Variants in AKAP13 observed in about 807,000 individuals in gnomAD.
AKAP13 encodes A-kinase anchor protein 13.
AKAP13 carries 80 observed loss-of-function variants against 264.5 expected under a neutral mutation model. That is an observed-to-expected ratio of 0.30 (90% CI 0.25 to 0.36). AKAP13 has a LOEUF of 0.36. AKAP13 is among the 10% of genes least tolerant of loss of function. AKAP13 has a pLI of 1.00. For missense variants in AKAP13, 3,712 were observed against 3,435.2 expected, an observed-to-expected ratio of 1.08 and a Z score of -2.01; for synonymous variants, 1,380 against 1,250.2, an observed-to-expected ratio of 1.10 and a Z score of -2.19.
chr15:85,738,162 C>T (rs1167682128), intron 33 of AKAP13, among the ~76,000 whole-genome samples: 1 of 151,926 alleles, frequency 6.6e-6, no homozygotes, highest in Non-Finnish European at 1.5e-5. Context: ...CTTTGGGAGG[C>T]CGAGGTGGGT....
chr15:85,412,307 C>A (rs1340341370), intron 1 of AKAP13, among the ~76,000 whole-genome samples: 1 of 152,172 alleles, frequency 6.6e-6, no homozygotes, highest in Non-Finnish European at 1.5e-5. Flanking sequence ...TATTAAAATA[C>A]TACTCCTTTT....
At chr15:85,600,812 G>GC (rs144080837) in intron 8 of AKAP13, among the ~76,000 whole-genome samples, 30,848 of 152,074 alleles carry the variant, frequency 0.2, 4,134 homozygotes, top group Middle Eastern at 0.41. Flanking sequence ...CTTCTGCCAC[G>GC]TTTTTACCTT....
chr15:85,632,017 A>G (rs1223773347), intron 8 of AKAP13, among the ~76,000 whole-genome samples: 1 of 152,190 alleles, frequency 6.6e-6, no homozygotes, highest in Non-Finnish European at 1.5e-5. Context: ...TAACATGTCA[A>G]GAGATTTTTG....
At chr15:85,621,912 A>G (rs2081209178) in intron 8 of AKAP13, among the ~76,000 whole-genome samples, 1 of 152,224 alleles carries the variant, frequency 6.6e-6, no homozygotes, top group African/African-American at 2.4e-5. Flanking sequence ...TGCCCAATAA[A>G]TAATAAAAGA....
intron 1 of AKAP13, among the ~76,000 whole-genome samples, chr15:85,416,849 T>G (rs879629815): frequency 3.3e-5 from 5 of 152,200 alleles, no homozygotes; most frequent in Non-Finnish European, 7.3e-5. Context: ...GGTAGCAAAT[T>G]TTGGAGGTTC....
intron 9 of AKAP13, 132 bp downstream of exon 9, chr15:85,639,581 G>A: frequency 1.4e-6 from 1 of 692,258 alleles, no homozygotes; most frequent in Non-Finnish European, 2.5e-6. Context: ...ATCTGGGTTT[G>A]TAGGCATTTT....
chr15:85,655,744 C>T lies in AKAP13; in HGVS notation c.4702C>T (p.Pro1568Ser). The T allele has an allele frequency of 1.2e-6, 2 of 1,612,146 alleles. No homozygotes were observed. Among genetic ancestry groups the T allele is most frequent in the East Asian group, 2.2e-5 (1 of 44,816 alleles). Reference sequence around the variant, plus strand: ...TCCCTTCCGGAGGCACAGCTGGGGGCCTGGGAAAAATGCAGCCAGCGATGC... The same window carrying T: ...TCCCTTCCGGAGGCACAGCTGGGGGTCTGGGAAAAATGCAGCCAGCGATGC... The part of the protein sequence containing the change: ...LSPFRRHSWG[P>S]GKNAASDAEM... The change falls in exon 11 of 37, where the codon CCT becomes TCT. Residue 1568 changes from proline to serine, a missense_variant. Coordinates refer to ENST00000394518, the MANE Select transcript of AKAP13 (RefSeq NM_007200.5).
intron 1 of AKAP13, among the ~76,000 whole-genome samples, chr15:85,425,938 T>C (rs1186961708): frequency 6.6e-6 from 1 of 151,706 alleles, no homozygotes; most frequent in Non-Finnish European, 1.5e-5. Flanking sequence ...GATTGCGAAG[T>C]ATTTGTTTTA....
intron 1 of AKAP13, among the ~76,000 whole-genome samples, chr15:85,395,393 T>G (rs896476162): frequency 6.6e-5 from 10 of 152,204 alleles, no homozygotes; most frequent in African/African-American, 2.4e-4. Flanking sequence ...CTGTGGCTGT[T>G]GAACCTCTTT....
intron 10 of AKAP13, among the ~76,000 whole-genome samples, chr15:85,646,709 C>A (rs188572168): frequency 5.9e-4 from 90 of 152,308 alleles, no homozygotes; most frequent in African/African-American, 2.1e-3. Flanking sequence ...CACTCATCCT[C>A]ATCTAGCCTG....
chr15:85,450,172 C>A (rs374283122), intron 1 of AKAP13, among the ~76,000 whole-genome samples: 9 of 151,924 alleles, frequency 5.9e-5, no homozygotes, highest in East Asian at 1.9e-4. Flanking sequence ...AGGAATTTAT[C>A]CATCTCTTCT....
intron 1 of AKAP13, among the ~76,000 whole-genome samples, chr15:85,432,000 A>G (rs755709090): frequency 2.6e-5 from 4 of 152,160 alleles, no homozygotes; most frequent in Non-Finnish European, 4.4e-5. Flanking sequence ...AAAGATGCCT[A>G]ATTTCATTGG....
intron 20 of AKAP13, 154 bp from the exon 21 acceptor site, chr15:85,717,136 A>G (rs1036785301): frequency 3.6e-6 from 2 of 549,356 alleles, no homozygotes; most frequent in Non-Finnish European, 6.3e-6. Flanking sequence ...GGCCATGTGC[A>G]TGTTGCTGTG....
intron 11 of AKAP13, among the ~76,000 whole-genome samples, chr15:85,656,958 C>G (rs1567178599): frequency 6.6e-6 from 1 of 151,988 alleles, no homozygotes; most frequent in Non-Finnish European, 1.5e-5. Flanking sequence ...TGAGACCAGC[C>G]TATGCAACAT....
intron 1 of AKAP13, among the ~76,000 whole-genome samples, chr15:85,383,095 C>G (rs1420881049): frequency 2.0e-5 from 3 of 151,978 alleles, no homozygotes; most frequent in Non-Finnish European, 4.4e-5. Context: ...GGAATCTTCA[C>G]TGTTGCCCAG....
At chr15:85,459,225 A>AC (rs1170534094) in intron 1 of AKAP13, among the ~76,000 whole-genome samples, 4 of 151,860 alleles carry the variant, frequency 2.6e-5, no homozygotes, top group African/African-American at 9.7e-5. Context: ...TCACTCTGTC[A>AC]CCCAGGCTGG....
At chr15:85,408,550 G>T (rs977297276) in intron 1 of AKAP13, among the ~76,000 whole-genome samples, 1 of 151,628 alleles carries the variant, frequency 6.6e-6, no homozygotes, top group Admixed American at 6.6e-5. Flanking sequence ...ACTATTCTGG[G>T]TACTATATGT....
chr15:85,391,925 T>A (rs1452187362), intron 1 of AKAP13, among the ~76,000 whole-genome samples: 1 of 151,016 alleles, frequency 6.6e-6, no homozygotes, highest in Non-Finnish European at 1.5e-5. Context: ...GCTGGGACTG[T>A]AGGCATGTGC....
At chr15:85,571,525 G>A (rs1596565040) in intron 5 of AKAP13, among the ~76,000 whole-genome samples, 2 of 152,146 alleles carry the variant, frequency 1.3e-5, no homozygotes, top group African/African-American at 4.8e-5. Flanking sequence ...GGTTTTATAC[G>A]GTGGTAACAC....
Sources: gnomAD v4.1 joint callset for allele counts (sites outside exome capture counted in the v4.1 genomes callset) on GRCh38, gnomAD v4.1.1 for gene constraint, MANE v1.5 for transcripts, NCBI Gene and HGNC (gene_info 2026-07-23, HGNC 2026-07-21) for gene names.